BLOC1S5: variants seen among roughly 807,000 people sequenced by gnomAD.
BLOC1S5 encodes the protein biogenesis of lysosome-related organelles complex 1 subunit 5.
BLOC1S5 carries 27 observed loss-of-function variants against 24.3 expected under a neutral mutation model. That is an observed-to-expected ratio of 1.11 (90% CI 0.82 to 1.53). The LOEUF (loss-of-function observed/expected upper bound fraction) is 1.53, where lower values mean the gene tolerates loss of function less well. Among genes scored for constraint, BLOC1S5 ranks in the 40% most tolerant of loss-of-function variants. The probability of loss-of-function intolerance (pLI) is 0.00; values close to 1 mark genes in which losing one functional copy is unlikely to be tolerated. For missense variants in BLOC1S5, 239 were observed against 229.4 expected (o/e 1.04, Z -0.27); for synonymous variants, 84 against 74.5 (o/e 1.13, Z -0.66).
At chr6:8,037,331 G>A (rs942547754) in intron 3 of BLOC1S5, among the ~76,000 whole-genome samples, 2 of 152,078 alleles carry the variant, frequency 1.3e-5, no homozygotes, top group African/African-American at 4.8e-5. Context: ...TATGCCAACA[G>A]CAAGCAATCT....
At chr6:8,050,966 G>T (rs1281821806) in intron 2 of BLOC1S5, among the ~76,000 whole-genome samples, 3 of 151,638 alleles carry the variant, frequency 2.0e-5, no homozygotes, top group Admixed American at 6.6e-5. Context: ...GAGGTGGGCA[G>T]ATCACAAGGT....
At chr6:8,059,604 G>A (rs987093373) in intron 2 of BLOC1S5, among the ~76,000 whole-genome samples, 11 of 152,186 alleles carry the variant, frequency 7.2e-5, no homozygotes, top group South Asian at 4.1e-4. Context: ...TAGAAAAGAA[G>A]TACAAATAAT....
At chr6:8,044,283 CA>C (rs1175141654) in intron 2 of BLOC1S5, among the ~76,000 whole-genome samples, 5,368 of 88,842 alleles carry the variant, frequency 0.06, 308 homozygotes, top group African/African-American at 0.2. Context: ...GACTCTGTCT[CA>C]AAAAAAAAAA....
chr6:8,059,069 A>G (rs773911495), intron 2 of BLOC1S5, among the ~76,000 whole-genome samples: 22 of 152,346 alleles, frequency 1.4e-4, no homozygotes, highest in African/African-American at 4.1e-4. Flanking sequence ...GAGAAAGGCC[A>G]TAACAGTTCC....
rs948722984 is a variant in BLOC1S5 at position 8,022,729 on chromosome 6, C to T, written c.384+3638G>A. ...CCTCCCAAGTAGCTGGGACTACAGG[C>T]GCCCGCCACTACGCCCGGCTAATTT... is the stretch of plus-strand genomic sequence containing the variant. On this transcript the variant is annotated intron_variant, in intron 4 of 4. Transcript: ENST00000397457. Among the ~76,000 whole-genome samples, 529 of 144,868 alleles carry T rather than the reference C, an allele frequency of 3.7e-3. 44 individuals are homozygous for T. Among genetic ancestry groups the T allele is most frequent in the African/African-American group, 0.014 (507 of 37,092 alleles).
chr6:8,031,287 A>T (rs1763288497), intron 3 of BLOC1S5, among the ~76,000 whole-genome samples: 1 of 152,220 alleles, frequency 6.6e-6, no homozygotes, highest in Non-Finnish European at 1.5e-5. Flanking sequence ...AAGTTTCAGG[A>T]TACAAAATCA....
Position 8,032,006 on chromosome 6 carries a change from C to T in BLOC1S5, c.326-5581G>A, listed in dbSNP as rs181607987. On this transcript the variant is annotated intron_variant, in intron 3 of 4. Transcript: ENST00000397457. ...AAGACATAAATCTAAGACCTAAAAC[C>T]ATAAGAGTTCTAGAAGATGACATTG... is the stretch of plus-strand genomic sequence containing the variant. Among the ~76,000 whole-genome samples, 169 of 152,224 alleles carry T rather than the reference C, an allele frequency of 1.1e-3. 1 individual carries two copies. Among genetic ancestry groups the T allele is most frequent in the Non-Finnish European group, 2.0e-3 (139 of 68,000 alleles).
At chr6:8,048,025 A>G (rs757739439) in intron 2 of BLOC1S5, among the ~76,000 whole-genome samples, 10 of 152,238 alleles carry the variant, frequency 6.6e-5, no homozygotes, top group Non-Finnish European at 1.0e-4. Flanking sequence ...AGGTGATTAG[A>G]AAGGTTTTTT....
intron 2 of BLOC1S5, among the ~76,000 whole-genome samples, chr6:8,046,387 T>G (rs192987153): frequency 6.6e-6 from 1 of 152,264 alleles, no homozygotes; most frequent in East Asian, 1.9e-4. Flanking sequence ...TACATGGGAA[T>G]TATCTGTACT....
At chr6:8,029,825 G>A (rs922141057) in intron 3 of BLOC1S5, among the ~76,000 whole-genome samples, 4 of 152,126 alleles carry the variant, frequency 2.6e-5, no homozygotes, top group Admixed American at 2.0e-4. Context: ...AAGAAGCAGT[G>A]ATCTAGTGAA....
intron 2 of BLOC1S5, among the ~76,000 whole-genome samples, chr6:8,057,668 AAGGAATC>A (rs1452434923): frequency 1.3e-5 from 2 of 152,244 alleles, no homozygotes; most frequent in Admixed American, 6.5e-5. Context: ...AACCAAAAAC[AAGGAATC>A]AGGAGATCAA....
chr6:8,014,252 A>C lies in BLOC1S5; in HGVS notation c.*1397T>G, dbSNP rs2113498616. On this transcript the variant is annotated 3_prime_UTR_variant, in exon 5 of 5. Transcript: ENST00000397457. ...ACTTTTGCTTGGTTTATGGCAAATA[A>C]AAAATCAACTTAGTTCTTCAGTTAG... The C allele has an allele frequency of 6.6e-6, 1 of 152,266 alleles. No homozygotes were observed. The highest frequency in any genetic ancestry group is 2.4e-5 in the African/African-American group (1 of 41,552). The allele number at this position is 152,266 out of a possible 1,614,324, so 9.4% of individuals were successfully genotyped here.
chr6:8,057,687 T>A (rs2294435), intron 2 of BLOC1S5, among the ~76,000 whole-genome samples: 1 of 152,180 alleles, frequency 6.6e-6, no homozygotes, highest in African/African-American at 2.4e-5. Flanking sequence ...GGAGATCAAG[T>A]GAAATTCCTG....
At chr6:8,049,401 T>C (rs1764028286) in intron 2 of BLOC1S5, among the ~76,000 whole-genome samples, 1 of 151,644 alleles carries the variant, frequency 6.6e-6, no homozygotes, top group African/African-American at 2.4e-5. Flanking sequence ...AGAAAGAACG[T>C]GGAACAATTT....
At chr6:8,060,666 T>C (rs13196026) in intron 2 of BLOC1S5, among the ~76,000 whole-genome samples, 21,000 of 152,172 alleles carry the variant, frequency 0.14, 1,772 homozygotes, top group South Asian at 0.27. Flanking sequence ...GCTGATAATG[T>C]GGTTGCTGAA....
chr6:8,059,117 C>A (rs1413464147), intron 2 of BLOC1S5, among the ~76,000 whole-genome samples: 1 of 152,210 alleles, frequency 6.6e-6, no homozygotes, highest in African/African-American at 2.4e-5. Flanking sequence ...AGGACAATGC[C>A]TTTACCCACT....
chr6:8,028,375 A>AC lies in BLOC1S5; in HGVS notation c.326-1951_326-1950insG, dbSNP rs1235127472. On this transcript the variant is annotated intron_variant, in intron 3 of 4. Coordinates refer to ENST00000397457, the MANE Select transcript of BLOC1S5 (RefSeq NM_201280.3). ...AAAAAGAAAATATTTAAAAAAAAAA[A>AC]AACAGGAGTTGATTAGCTCTGCCTT... 3.3e-5 allele frequency among the ~76,000 whole-genome samples: 5 copies of AC among 152,024 alleles called. No homozygotes were observed. The South Asian group carries it at 1.0e-3, about 32-fold the overall frequency.
At chr6:8,017,407 C>CACACACA (rs1554136933) in intron 4 of BLOC1S5, among the ~76,000 whole-genome samples, 2 of 151,714 alleles carry the variant, frequency 1.3e-5, no homozygotes, top group South Asian at 4.2e-4. Context: ...CACACACACA[C>CACACACA]CTACAAAGCA....
intron 2 of BLOC1S5, among the ~76,000 whole-genome samples, chr6:8,061,016 T>G (rs941973121): frequency 6.6e-6 from 1 of 152,024 alleles, no homozygotes; most frequent in Admixed American, 6.6e-5. Flanking sequence ...TAAGTAGAGA[T>G]GGAGTTTTGC....
Sources: gnomAD v4.1 joint callset for allele counts (sites outside exome capture counted in the v4.1 genomes callset) on GRCh38, gnomAD v4.1.1 for gene constraint, MANE v1.5 for transcripts, NCBI Gene and HGNC (gene_info 2026-07-23, HGNC 2026-07-21) for gene names.